The following RALYL variants were observed in gnomAD, a reference collection of about 807,000 sequenced individuals.
RALYL encodes RALY RNA binding protein like.
In RALYL, 29 loss-of-function variants were observed where a neutral mutation model predicts 35.1. The ratio of observed to expected loss-of-function variants is 0.83; its 90% CI spans 0.61 to 1.13. RALYL has a LOEUF of 1.13. Ranked by LOEUF, RALYL falls within the 50% of genes most tolerant of loss-of-function variation. The pLI is 0.00. For synonymous variants in RALYL, 120 were observed against 127.6 expected (o/e 0.94, Z 0.40); for missense variants, 359 against 360.4 (o/e 1.00, Z 0.03).
chr8:84,185,099 GTGTTGCGTTGGTTT>G (rs1028472817), intron 1 of RALYL: 2 of 1,461,492 alleles, frequency 1.4e-6, no homozygotes, highest in Non-Finnish European at 1.9e-6. Flanking sequence ...TTTCCCTGTT[GTGTTGCGTTGGTTT>G]TAAGTGCCTG....
At chr8:84,229,910 G>A (rs1469585404) in intron 1 of RALYL, among the ~76,000 whole-genome samples, 2 of 152,122 alleles carry the variant, frequency 1.3e-5, no homozygotes, top group Non-Finnish European at 2.9e-5. Context: ...TATAGGATAA[G>A]AAGATTGCTT....
chr8:84,797,221 G>C lies in RALYL; in HGVS notation c.333-7549G>C, dbSNP rs144984326. ...GAAAAAGCAGATCAAATCCACATCT[G>C]CAATAATGACATAAATCCATTCATG... On this transcript the variant is annotated intron_variant, in intron 3 of 8. Transcript: ENST00000521268. Among the ~76,000 whole-genome samples the C allele has an allele frequency of 2.0e-3, 302 of 152,306 alleles. 1 individual carries two copies. The highest frequency in any genetic ancestry group is 6.9e-3 in the African/African-American group (286 of 41,566).
At chr8:84,500,896 G>T (rs758862070) in intron 1 of RALYL, among the ~76,000 whole-genome samples, 4 of 152,122 alleles carry the variant, frequency 2.6e-5, no homozygotes, top group African/African-American at 4.8e-5. Flanking sequence ...ACAGGATTAA[G>T]TAGAGAATAT....
At chr8:84,851,889 A>G (rs1008184890) in intron 5 of RALYL, among the ~76,000 whole-genome samples, 1 of 152,138 alleles carries the variant, frequency 6.6e-6, no homozygotes, top group Non-Finnish European at 1.5e-5. Context: ...TTCTATTGCT[A>G]TATTTCTTTC....
chr8:84,871,019 C>G (rs1263719789), intron 6 of RALYL, among the ~76,000 whole-genome samples: 1 of 152,180 alleles, frequency 6.6e-6, no homozygotes, highest in Non-Finnish European at 1.5e-5. Context: ...TAAGAGGGAA[C>G]TGAGCAGCCT....
chr8:84,282,747 CGT>C (rs5892909), intron 1 of RALYL, among the ~76,000 whole-genome samples: 72,036 of 148,444 alleles, frequency 0.49, 17,436 homozygotes, highest in African/African-American at 0.53. Context: ...TATGTGTATG[CGT>C]GTGTGTGTGT....
intron 2 of RALYL, among the ~76,000 whole-genome samples, chr8:84,572,455 A>G (rs145810320): frequency 1.3e-3 from 200 of 151,286 alleles, no homozygotes; most frequent in Middle Eastern, 3.4e-3. Flanking sequence ...CACTTTTAGA[A>G]CTCCTTTGAG....
intron 1 of RALYL, among the ~76,000 whole-genome samples, chr8:84,471,302 G>A (rs1418546582): frequency 1.3e-5 from 2 of 152,010 alleles, no homozygotes; most frequent in African/African-American, 2.4e-5. Flanking sequence ...ACAACAACCA[G>A]CCAGGGACAG....
chr8:84,519,396 A>G (rs1186312612), intron 1 of RALYL, among the ~76,000 whole-genome samples: 3 of 152,188 alleles, frequency 2.0e-5, no homozygotes, highest in Non-Finnish European at 4.4e-5. Flanking sequence ...AGCTATTCTC[A>G]ACATGACATA....
At chr8:84,626,021 A>G (rs1316826507) in intron 2 of RALYL, among the ~76,000 whole-genome samples, 2 of 152,172 alleles carry the variant, frequency 1.3e-5, no homozygotes, top group Non-Finnish European at 2.9e-5. Flanking sequence ...TGACAAAAAT[A>G]TAGCAGAGTT....
chr8:84,830,619 A>G (rs1434653644), intron 4 of RALYL, among the ~76,000 whole-genome samples: 2 of 152,234 alleles, frequency 1.3e-5, no homozygotes, highest in Admixed American at 1.3e-4. Flanking sequence ...CCTCAGCTGT[A>G]AATAATATTT....
At chr8:84,760,630 A>G (rs1812461962) in intron 2 of RALYL, among the ~76,000 whole-genome samples, 3 of 152,208 alleles carry the variant, frequency 2.0e-5, no homozygotes, top group African/African-American at 7.2e-5. Context: ...ATTAGAAATT[A>G]GTTGGAAATC....
At chr8:84,728,442 G>A (rs1198904119) in intron 2 of RALYL, among the ~76,000 whole-genome samples, 21 of 151,240 alleles carry the variant, frequency 1.4e-4, no homozygotes, top group Non-Finnish European at 2.2e-4. Context: ...CACTCTGATG[G>A]TAGTTTCTTT....
intron 2 of RALYL, among the ~76,000 whole-genome samples, chr8:84,733,223 T>C (rs1846571517): frequency 6.6e-6 from 1 of 152,094 alleles, no homozygotes; most frequent in African/African-American, 2.4e-5. Flanking sequence ...AGGAAGCAGA[T>C]ATAGAGCAAT....
At chr8:84,515,421 T>A (rs137993813) in intron 1 of RALYL, among the ~76,000 whole-genome samples, 4,537 of 152,262 alleles carry the variant, frequency 0.03, 116 homozygotes, top group Non-Finnish European at 0.038. Flanking sequence ...GAATTACATA[T>A]CCCTTAATTC....
chr8:84,619,980 C>G lies in RALYL; in HGVS notation c.256+90403C>G, dbSNP rs1295965858. Among the ~76,000 whole-genome samples the G allele has an allele frequency of 2.6e-5, 4 of 152,076 alleles. No homozygotes were observed. The South Asian group carries it at 8.3e-4, about 32-fold the overall frequency. The stretch of plus-strand genomic sequence containing the variant: ...AGAGATCCGCTGTTAGTCTGATGGG[C>G]TTCCCTTTGAGGGTAACCCGACCTT... On this transcript the variant is annotated intron_variant, in intron 2 of 8. Transcript: ENST00000521268.
intron 1 of RALYL, among the ~76,000 whole-genome samples, chr8:84,311,367 A>G (rs7002945): frequency 0.02 from 3,096 of 152,176 alleles, 116 homozygotes; most frequent in African/African-American, 0.07. Flanking sequence ...ATAATGATGA[A>G]TTGTCTGAAA....
chr8:84,390,569 G>T (rs1455135534), intron 1 of RALYL, among the ~76,000 whole-genome samples: 1 of 152,012 alleles, frequency 6.6e-6, no homozygotes, highest in East Asian at 1.9e-4. Flanking sequence ...GTTTAGTCTT[G>T]GGAGACTGTA....
chr8:84,654,952 C>T (rs770589882), intron 2 of RALYL, among the ~76,000 whole-genome samples: 5 of 149,924 alleles, frequency 3.3e-5, no homozygotes, highest in African/African-American at 9.7e-5. Context: ...ATATACCTAG[C>T]GGTGGGATTG....
Sources: gnomAD v4.1 joint callset for allele counts (sites outside exome capture counted in the v4.1 genomes callset) on GRCh38, gnomAD v4.1.1 for gene constraint, MANE v1.5 for transcripts, NCBI Gene and HGNC (gene_info 2026-07-23, HGNC 2026-07-21) for gene names.